The following SENP1 variants were observed in gnomAD, a reference collection of about 807,000 sequenced individuals.
The protein encoded by SENP1 is SUMO specific peptidase 1.
Under a neutral mutation model 93.0 loss-of-function variants are expected in SENP1, and 21 were observed. The ratio of observed to expected loss-of-function variants is 0.23; its 90% CI spans 0.16 to 0.33. SENP1 has a LOEUF of 0.33. Ranked by LOEUF, SENP1 falls within the 10% of genes least tolerant of loss-of-function variation. The pLI, the probability that SENP1 is intolerant of heterozygous loss-of-function variation, is 1.00. For missense variants in SENP1, 591 were observed against 758.7 expected (o/e 0.78, Z 2.60); for synonymous variants, 256 against 259.6 (o/e 0.99, Z 0.13).
At chr12:48,069,152 C>A (rs1317577841) in intron 9 of SENP1, among the ~76,000 whole-genome samples, 679 of 76,334 alleles carry the variant, frequency 8.9e-3, no homozygotes, top group East Asian at 0.014. Flanking sequence ...GACTCTGTCA[C>A]AAAAAAAAAA....
At chr12:48,066,082 GTTCTT>G (rs1017061413) in intron 10 of SENP1, among the ~76,000 whole-genome samples, 9 of 152,156 alleles carry the variant, frequency 5.9e-5, no homozygotes, top group African/African-American at 2.2e-4. Context: ...TAAACACACA[GTTCTT>G]TTCTTAACAT....
chr12:48,054,471 T>C (rs1449554522), intron 13 of SENP1, among the ~76,000 whole-genome samples: 1 of 152,206 alleles, frequency 6.6e-6, no homozygotes, highest in Non-Finnish European at 1.5e-5. Flanking sequence ...CCCTTAACTT[T>C]TGTAAACCTA....
intron 8 of SENP1, among the ~76,000 whole-genome samples, chr12:48,072,669 G>A (rs1943789527): frequency 6.6e-6 from 1 of 152,046 alleles, no homozygotes; most frequent in South Asian, 2.1e-4. Flanking sequence ...TCCTTTAAGT[G>A]AAAAGGTTAA....
chr12:48,095,040 C>A (rs527584282), intron 4 of SENP1, among the ~76,000 whole-genome samples: 60 of 152,228 alleles, frequency 3.9e-4, no homozygotes, highest in Non-Finnish European at 7.6e-4. Flanking sequence ...ACAAATTATG[C>A]ACATACTATG....
chr12:48,082,873 C>A (rs539054686), intron 6 of SENP1, among the ~76,000 whole-genome samples: 2 of 152,100 alleles, frequency 1.3e-5, no homozygotes, highest in Non-Finnish European at 2.9e-5. Context: ...AAAAATTGTT[C>A]CTGGTAAGAA....
At chr12:48,105,862 G>C in intron 1 of SENP1, 166 bp downstream of exon 1, 1 of 605,574 alleles carries the variant, frequency 1.7e-6, no homozygotes, top group Admixed American at 2.9e-5. Flanking sequence ...CAGCAGGGGG[G>C]AGGGGAGGTG....
intron 4 of SENP1, among the ~76,000 whole-genome samples, chr12:48,093,574 G>A (rs1407804931): frequency 2.0e-5 from 3 of 151,954 alleles, no homozygotes; most frequent in Non-Finnish European, 4.4e-5. Context: ...CTGAGCCATC[G>A]CACCCAGCCT....
At chr12:48,075,019 C>A (rs1441109745) in intron 6 of SENP1, among the ~76,000 whole-genome samples, 1 of 151,582 alleles carries the variant, frequency 6.6e-6, no homozygotes, top group Non-Finnish European at 1.5e-5. Flanking sequence ...CCAGCCCAGT[C>A]AACATAGTGA....
At chr12:48,085,376 C>T in intron 5 of SENP1, 1 of 1,352,400 alleles carries the variant, frequency 7.4e-7, no homozygotes, top group Non-Finnish European at 1.1e-6. Context: ...AGGACTCCAC[C>T]CTGCGGAGGG....
chr12:48,068,938 A>C (rs1237454707), intron 9 of SENP1, among the ~76,000 whole-genome samples: 1 of 152,128 alleles, frequency 6.6e-6, no homozygotes, highest in African/African-American at 2.4e-5. Context: ...GGAACACCGG[A>C]GGTCAGGAGT....
In SENP1 at chr12:48,063,305, G is replaced by A. The variant is rs924727641; in HGVS notation, c.1407+405C>T. On this transcript the variant is annotated intron_variant, in intron 13 of 17. Transcript: ENST00000549518. The stretch of plus-strand genomic sequence containing the variant: ...AGTGATCTAAAATGAGTAGAACTTA[G>A]GTAGAAAGGGAAGTAAAACTGGATT... Among the ~76,000 whole-genome samples the A allele has an allele frequency of 3.3e-5, 5 of 152,128 alleles. No homozygotes were observed. In the South Asian group the frequency reaches 6.2e-4, roughly 19 times the overall value.
intron 3 of SENP1, among the ~76,000 whole-genome samples, chr12:48,097,239 G>C (rs1375348115): frequency 6.6e-6 from 1 of 152,124 alleles, no homozygotes; most frequent in Non-Finnish European, 1.5e-5. Flanking sequence ...ACTTTACAGA[G>C]ATAGCTCTTA....
rs1212827694 is a variant in SENP1, at chr12:48,106,071, G to A, written c.-88C>T. 2.8e-6 allele frequency: 2 copies of A among 702,412 alleles called. No homozygotes were observed. Among genetic ancestry groups the A allele is most frequent in the African/African-American group, 3.5e-5 (2 of 57,234 alleles). 43.5% of individuals were successfully genotyped at this position (702,412 alleles called of 1,614,324 possible). ...CATGCGAAGGGGTTTCCGGCCGGGC[G>A]CGGAACGCAAAACCCGGGAACCGCC... On this transcript the variant is annotated 5_prime_UTR_variant, in exon 1 of 18. Coordinates refer to ENST00000549518, the MANE Select transcript of SENP1 (RefSeq NM_001267594.2).
chr12:48,094,483 C>A (rs1945422678), intron 4 of SENP1, among the ~76,000 whole-genome samples: 1 of 152,010 alleles, frequency 6.6e-6, no homozygotes, highest in South Asian at 2.1e-4. Flanking sequence ...AGTTCGAGAA[C>A]AACCTGGCCA....
chr12:48,085,187 T>C (rs1944767652), intron 5 of SENP1: 1 of 1,470,796 alleles, frequency 6.8e-7, no homozygotes, highest in Non-Finnish European at 9.5e-7. Context: ...TGGAGAAGGA[T>C]ACGACCATCA....
chr12:48,082,912 C>T (rs1231951679), intron 6 of SENP1, among the ~76,000 whole-genome samples: 1 of 151,916 alleles, frequency 6.6e-6, no homozygotes, highest in Non-Finnish European at 1.5e-5. Flanking sequence ...ATTAAAAAAA[C>T]AATTTTTTTT....
chr12:48,098,154 C>G (rs201960846), intron 2 of SENP1, 30 bp from the exon 3 acceptor site: 1 of 1,589,776 alleles, frequency 6.3e-7, no homozygotes, highest in East Asian at 2.3e-5. Flanking sequence ...TAGTTCAAGT[C>G]ACATAATTCT....
chr12:48,047,014 G>A lies in SENP1; in HGVS notation c.1740C>T (p.Asp580=). 3 of 1,612,954 alleles carry A rather than the reference G, an allele frequency of 1.9e-6. No individual in the cohort carries two copies. The highest frequency in any genetic ancestry group is 2.5e-6 in the Non-Finnish European group (3 of 1,179,116). Reference sequence around the variant, plus strand: ...TGCTGAAAAGCTGCCAGCCATTGGTGTCAAACTCTTTCCTTTTCTTGTCAA... The same window carrying A: ...TGCTGAAAAGCTGCCAGCCATTGGTATCAAACTCTTTCCTTTTCTTGTCAA... ...ESIDKKRKEF[D]TNGWQLFSKK... The change falls in exon 16 of 18, where the codon GAC becomes GAT. Residue 580 remains aspartate (D), a synonymous_variant. Transcript: ENST00000549518.
In SENP1 at chr12:48,098,116, C is replaced by T. The variant is rs749979647; in HGVS notation, c.13G>A (p.Ala5Thr). MDDI[A>T]DRMRMDAGEV... Reference sequence around the variant, plus strand: ...CCAGCATCCATCCTCATCCTATCAGCAATATCATCTGGGGAGACAGTCTGG... The same window carrying T: ...CCAGCATCCATCCTCATCCTATCAGTAATATCATCTGGGGAGACAGTCTGG... The change falls in exon 3 of 18, where the codon GCT (alanine) becomes ACT (threonine). Residue 5 changes from alanine to threonine, a missense_variant. Coordinates refer to ENST00000549518, the MANE Select transcript of SENP1 (RefSeq NM_001267594.2). 5 of 1,613,206 alleles carry T rather than the reference C, an allele frequency of 3.1e-6. No individual in the cohort carries two copies. Among genetic ancestry groups the T allele is most frequent in the Non-Finnish European group, 2.5e-6 (3 of 1,179,512 alleles).
Sources: allele counts gnomAD v4.1 joint callset (sites outside exome capture counted in the v4.1 genomes callset), GRCh38; gene constraint gnomAD v4.1.1; transcripts MANE v1.5; gene names NCBI Gene and HGNC (gene_info 2026-07-23, HGNC 2026-07-21).